The following CAPN5 variants were observed in gnomAD, a reference collection of about 807,000 sequenced individuals.
CAPN5 encodes calpain 5, also known as calpain-5.
Under a neutral mutation model 73.0 loss-of-function variants are expected in CAPN5, and 54 were observed. The observed-to-expected ratio is 0.74, with a 90% CI of 0.59 to 0.93. CAPN5 has a LOEUF of 0.93. Among genes scored for constraint, CAPN5 ranks in the 40% least tolerant of loss-of-function variants. The pLI is 0.00. For missense variants in CAPN5, 785 were observed against 882.9 expected (o/e 0.89, Z 1.41); for synonymous variants, 335 against 356.9 (o/e 0.94, Z 0.69).
At chr11:77,087,578 C>T (rs907503790) in intron 2 of CAPN5, among the ~76,000 whole-genome samples, 1 of 152,172 alleles carries the variant, frequency 6.6e-6, no homozygotes, top group Non-Finnish European at 1.5e-5. Flanking sequence ...TTGGCTGCAG[C>T]CTTGGCCCTA....
In CAPN5 at chr11:77,118,217, C is replaced by T. The variant is rs1950487302; in HGVS notation, c.1032C>T (p.Asn344=). The change falls in exon 8 of 13, where the codon AAC becomes AAT. Residue 344 remains asparagine, a synonymous_variant. Coordinates refer to ENST00000648180, the MANE Select transcript of CAPN5 (RefSeq NM_004055.5). The stretch of plus-strand genomic sequence containing the variant: ...ACATCATCAAGTGCCGCGTGATCAA[C>T]ACATCCCACCTGAGCATCCACAAGA... The part of the protein sequence containing the change: ...FTDIIKCRVI[N]TSHLSIHKTW... 2 of 1,614,146 alleles carry T rather than the reference C, an allele frequency of 1.2e-6. No homozygotes were observed. Among genetic ancestry groups the T allele is most frequent in the Non-Finnish European group, 1.7e-6 (2 of 1,180,018 alleles).
chr11:77,093,592 C>T, intron 2 of CAPN5, 90 bp from the exon 3 acceptor site: 1 of 762,288 alleles, frequency 1.3e-6, no homozygotes, highest in Admixed American at 3.1e-5. Flanking sequence ...AAGTCTGTGT[C>T]TGTCACGTCT....
chr11:77,076,113 G>T, intron 1 of CAPN5, among the ~76,000 whole-genome samples: 1 of 151,974 alleles, frequency 6.6e-6, no homozygotes, highest in East Asian at 1.9e-4. Flanking sequence ...TGGAATCCCA[G>T]CACTTTGGGA....
chr11:77,073,201 G>A (rs1555033399), intron 1 of CAPN5: 23 of 960,784 alleles, frequency 2.4e-5, no homozygotes, highest in Non-Finnish European at 3.2e-5. Flanking sequence ...TTCTTTCAGT[G>A]TTAAAACTGT....
At chr11:77,090,409 G>C (rs1367641680) in intron 2 of CAPN5, among the ~76,000 whole-genome samples, 1 of 152,234 alleles carries the variant, frequency 6.6e-6, no homozygotes, top group Non-Finnish European at 1.5e-5. Flanking sequence ...CCAGAGCCCT[G>C]ATCTGGGGCC....
intron 5 of CAPN5, 85 bp from the exon 6 acceptor site, chr11:77,115,310 C>T (rs1565276478): frequency 1.9e-5 from 21 of 1,111,642 alleles, no homozygotes; most frequent in Middle Eastern, 3.0e-4. Flanking sequence ...AGGTCCCGTG[C>T]AGCCTCCTAG....
Position 77,121,974 on chromosome 11 carries a change from TC to T in CAPN5, c.1531del (p.Leu511SerfsTer8). On this transcript the variant is annotated frameshift_variant, in exon 11 of 13. Transcript: ENST00000648180. LOFTEE classifies it high-confidence loss of function. Reference sequence around the variant, plus strand: ...TGAGCCCCCACACACCTGCTGGAGCTCCCTCTGTGGCTACCCCCAGCTGGTG... The same window carrying T: ...TGAGCCCCCACACACCTGCTGGAGCTCCTCTGTGGCTACCCCCAGCTGGTG... ...LDEPPHTCWSSLCGYPQLVTQ... is the reference protein window; with the variant it reads ...LDEPPHTCWSXLCGYPQLVTQ... 1 of 1,561,136 alleles carries T rather than the reference TC, an allele frequency of 6.4e-7. No homozygotes were observed.
chr11:77,091,691 C>T (rs1408313259), intron 2 of CAPN5, among the ~76,000 whole-genome samples: 2 of 152,136 alleles, frequency 1.3e-5, no homozygotes, highest in East Asian at 1.9e-4. Flanking sequence ...GTTCCCTGGG[C>T]CAGGGCTAGG....
At chr11:77,084,250 C>A (rs560841727) in intron 1 of CAPN5, among the ~76,000 whole-genome samples, 1 of 152,208 alleles carries the variant, frequency 6.6e-6, no homozygotes. Context: ...CCCACCTGGG[C>A]CCCTGGGGAA....
At chr11:77,087,239 G>A (rs1034088775) in intron 2 of CAPN5, among the ~76,000 whole-genome samples, 28 of 152,232 alleles carry the variant, frequency 1.8e-4, no homozygotes, top group African/African-American at 4.3e-4. Flanking sequence ...CCCCACTAAC[G>A]GGATGGGAGG....
chr11:77,097,478 T>TA (rs1950223537), intron 3 of CAPN5, among the ~76,000 whole-genome samples: 1 of 143,672 alleles, frequency 7.0e-6, no homozygotes, highest in African/African-American at 2.6e-5. Context: ...TTTTTTTTTT[T>TA]TTTTTTTTTT....
chr11:77,118,640 A>G (rs1950492049), intron 8 of CAPN5, among the ~76,000 whole-genome samples: 1 of 152,216 alleles, frequency 6.6e-6, no homozygotes, highest in Admixed American at 6.5e-5. Flanking sequence ...AGGCTGAGCC[A>G]GGGACTCAGC....
intron 1 of CAPN5, among the ~76,000 whole-genome samples, chr11:77,083,870 A>C (rs1591115843): frequency 6.6e-6 from 1 of 151,766 alleles, no homozygotes; most frequent in African/African-American, 2.4e-5. Flanking sequence ...CTCAGATATC[A>C]CTCCCACAGC....
chr11:77,085,051 G>A lies in CAPN5; in HGVS notation c.165G>A (p.Lys55=). ...PGPAVRWKRP[K]GICEDPRLFV... is the part of the protein sequence containing the mutation. ...CCGCCGTCAGGTGGAAGCGACCCAA[G>A]GTCAGTGTCTGGTCCCAGCTGGAGC... Residue 55 remains lysine (K), a splice_region_variant and synonymous_variant, in exon 2 of 13, where the codon AAG becomes AAA. Transcript: ENST00000648180. 2 of 1,612,910 alleles carry A rather than the reference G, an allele frequency of 1.2e-6. No homozygotes were observed. Among genetic ancestry groups the A allele is most frequent in the Non-Finnish European group, 1.7e-6 (2 of 1,179,990 alleles).
rs1351260558 is a variant in CAPN5 at position 77,118,099 on chromosome 11, G to GCCTCC, written c.972-56_972-55insTCCCC. 2.7e-6 allele frequency: 4 copies of GCCTCC among 1,501,022 alleles called. No homozygotes were observed. The African/African-American group carries it at 5.5e-5, about 21-fold the overall frequency. The allele number at this position is 1,501,022 out of a possible 1,614,324, so 93.0% of individuals were successfully genotyped here. On this transcript the variant is annotated intron_variant, in intron 7 of 12. Coordinates refer to ENST00000648180, the MANE Select transcript of CAPN5 (RefSeq NM_004055.5). ...ACATATTAGGTTGTTGGGCTGGGGG[G>GCCTCC]CCAAGAGCCTGGGGAGGTGTGGGGG...
At chr11:77,101,883 TG>T (rs1438728064) in intron 3 of CAPN5, among the ~76,000 whole-genome samples, 1 of 152,160 alleles carries the variant, frequency 6.6e-6, no homozygotes, top group Non-Finnish European at 1.5e-5. Flanking sequence ...CCTCGGCCCC[TG>T]GGGGAAACTG....
At chr11:77,123,019 C>G (rs1950539242) in intron 12 of CAPN5, among the ~76,000 whole-genome samples, 2 of 152,244 alleles carry the variant, frequency 1.3e-5, no homozygotes, top group South Asian at 4.1e-4. Context: ...CTCCCATTTC[C>G]CCGTGGGGGG....
At position 77,125,614 on chromosome 11, in the gene CAPN5, CTATATATA is replaced by C. The variant is rs10543158; in HGVS notation, c.*1763_*1770del. ...CTATGTATCTCTGTATGCACACGCA[CTATATATA>C]TATATATATATATATATACATTCAT... On this transcript the variant is annotated 3_prime_UTR_variant, in exon 13 of 13. Transcript: ENST00000648180. The C allele has an allele frequency of 0.12, 16,270 of 140,718 alleles. 1,222 individuals are homozygous for C. Among genetic ancestry groups the C allele is most frequent in the East Asian group, 0.24 (1,187 of 4,852 alleles). The allele number at this position is 140,718 out of a possible 1,614,324, so 8.7% of individuals were successfully genotyped here.
Position 77,124,749 on chromosome 11 carries a change from G to A in CAPN5, c.*879G>A, listed in dbSNP as rs146652556. On this transcript the variant is annotated 3_prime_UTR_variant, in exon 13 of 13. Coordinates refer to ENST00000648180, the MANE Select transcript of CAPN5 (RefSeq NM_004055.5). ...GCCTTTGGGGACCAGAAGGGGAGAT[G>A]TGCTCCCAGAGCCTCTCTGCTGTAA... The A allele has an allele frequency of 2.6e-5, 4 of 152,448 alleles. No individual in the cohort carries two copies. The highest frequency in any genetic ancestry group is 9.6e-5 in the African/African-American group (4 of 41,578). 9.4% of individuals were successfully genotyped at this position (152,448 alleles called of 1,614,324 possible).
Sources: gnomAD v4.1 joint callset for allele counts (sites outside exome capture counted in the v4.1 genomes callset) on GRCh38, gnomAD v4.1.1 for gene constraint, MANE v1.5 for transcripts, NCBI Gene and HGNC (gene_info 2026-07-23, HGNC 2026-07-21) for gene names.